The following ZNF154 variants were observed in gnomAD, a reference collection of about 807,000 sequenced individuals.
ZNF154 encodes the protein zinc finger protein 154.
Under a neutral mutation model 7.5 loss-of-function variants are expected in ZNF154, and 6 were observed. The observed-to-expected ratio is 0.80, with a 90% CI of 0.44 to 1.57. The LOEUF (loss-of-function observed/expected upper bound fraction) is 1.57, where lower values mean the gene tolerates loss of function less well. Among genes scored for constraint, ZNF154 ranks in the 40% most tolerant of loss-of-function variants. The pLI, the probability that ZNF154 is intolerant of heterozygous loss-of-function variation, is 0.01. For missense variants in ZNF154, 485 were observed against 531.4 expected, an observed-to-expected ratio of 0.91 and a Z score of 0.86; for synonymous variants, 187 against 185.9, an observed-to-expected ratio of 1.01 and a Z score of -0.05.
chr19:57,709,168 G>A lies in ZNF154; in HGVS notation c.-197C>T, dbSNP rs998162179. 5 of 668,164 alleles carry A rather than the reference G, an allele frequency of 7.5e-6. No homozygotes were observed. The highest frequency in any genetic ancestry group is 2.8e-5 in the East Asian group (1 of 36,306). 41.4% of individuals were successfully genotyped at this position (668,164 alleles called of 1,614,324 possible). ...CTCGGCGCTCTGCTATCTCTGATCC[G>A]GTGAACACACCTCAGAGAAGCTAAA... On this transcript the variant is annotated 5_prime_UTR_variant, in exon 1 of 3. Coordinates refer to ENST00000684351, the MANE Select transcript of ZNF154 (RefSeq NM_001085384.3).
At chr19:57,708,745 TGCAC>T (rs1985501446) in intron 1 of ZNF154, among the ~76,000 whole-genome samples, 190 bp downstream of exon 1, 1 of 152,118 alleles carries the variant, frequency 6.6e-6, no homozygotes, top group Admixed American at 6.5e-5. Context: ...CCTCAACCTT[TGCAC>T]GCGCCGGTTC....
At chr19:57,707,038 G>T (rs943882816) in intron 1 of ZNF154, among the ~76,000 whole-genome samples, 1 of 150,408 alleles carries the variant, frequency 6.6e-6, no homozygotes, top group Non-Finnish European at 1.5e-5. Flanking sequence ...GCTTGAAGCC[G>T]GGAGGCGGAG....
At chr19:57,703,721 T>C (rs947910857) in intron 2 of ZNF154, among the ~76,000 whole-genome samples, 2 of 151,090 alleles carry the variant, frequency 1.3e-5, no homozygotes, top group Non-Finnish European at 3.0e-5. Flanking sequence ...TGTTTAAGAG[T>C]ATGTGCAAGG....
chr19:57,704,776 A>C, intron 2 of ZNF154, 77 bp downstream of exon 2: 1 of 1,538,742 alleles, frequency 6.5e-7, no homozygotes, highest in East Asian at 2.3e-5. Flanking sequence ...TGTCATGAGA[A>C]GGACAGACCT....
Position 57,698,272 on chromosome 19 carries a change from A to G in ZNF154, c.*3363T>C, listed in dbSNP as rs1412724610. 6.6e-6 allele frequency: 1 copy of G among 152,258 alleles called. No individual in the cohort carries two copies. The highest frequency in any genetic ancestry group is 2.4e-5 in the African/African-American group (1 of 41,472). 9.4% of individuals were successfully genotyped at this position (152,258 alleles called of 1,614,324 possible). On this transcript the variant is annotated 3_prime_UTR_variant, in exon 3 of 3. Coordinates refer to ENST00000684351, the MANE Select transcript of ZNF154 (RefSeq NM_001085384.3). ...ATGTATTATAATGGAAAGTAAATCA[A>G]TAGTTGCCTATAGGCAGATAATTAT... is the stretch of plus-strand genomic sequence containing the variant.
rs1050368501 is a variant in ZNF154 at position 57,700,046 on chromosome 19, G to T, written c.*1589C>A. On this transcript the variant is annotated 3_prime_UTR_variant, in exon 3 of 3. Coordinates refer to ENST00000684351, the MANE Select transcript of ZNF154 (RefSeq NM_001085384.3). ...TTTTGCACCAACCTAACAAAATATG[G>T]TTCAAAATAAAAGTCTGAATTTCCT... 5.3e-5 allele frequency: 8 copies of T among 152,102 alleles called. No homozygotes were observed. The highest frequency in any genetic ancestry group is 1.2e-4 in the African/African-American group (5 of 41,404). 9.4% of individuals were successfully genotyped at this position (152,102 alleles called of 1,614,324 possible). A position where few individuals can be genotyped will look rare whatever the true frequency, so the allele number is the denominator to read the frequency against.
At chr19:57,706,587 C>T (rs1450230803) in intron 1 of ZNF154, among the ~76,000 whole-genome samples, 1 of 152,206 alleles carries the variant, frequency 6.6e-6, no homozygotes, top group Admixed American at 6.5e-5. Context: ...CAGCCATTTG[C>T]CTCAAATACA....
intron 1 of ZNF154, among the ~76,000 whole-genome samples, chr19:57,707,035 G>C (rs746518348): frequency 3.3e-5 from 5 of 151,004 alleles, no homozygotes; most frequent in Non-Finnish European, 7.4e-5. Flanking sequence ...ATTGCTTGAA[G>C]CCGGGAGGCG....
At chr19:57,706,666 T>G (rs545761662) in intron 1 of ZNF154, among the ~76,000 whole-genome samples, 32 of 152,270 alleles carry the variant, frequency 2.1e-4, no homozygotes, top group African/African-American at 7.5e-4. Context: ...CCAACTATCC[T>G]CTCCAAACAC....
At chr19:57,705,585 C>A (rs1028976321) in intron 1 of ZNF154, among the ~76,000 whole-genome samples, 1 of 152,010 alleles carries the variant, frequency 6.6e-6, no homozygotes, top group South Asian at 2.1e-4. Context: ...GAAACCCCAT[C>A]TCTACTAAAA....
In ZNF154 at chr19:57,704,839, TA is replaced by T; in HGVS notation, c.160+13del. 1 of 1,607,298 alleles carries T rather than the reference TA, an allele frequency of 6.2e-7. No homozygotes were observed. The highest frequency in any genetic ancestry group is 8.5e-7 in the Non-Finnish European group (1 of 1,177,830). On this transcript the variant is annotated intron_variant, in intron 2 of 2. Coordinates refer to ENST00000684351, the MANE Select transcript of ZNF154 (RefSeq NM_001085384.3). The stretch of plus-strand genomic sequence containing the variant: ...GACTAGCTCAGGGCACAGGAAAGGG[TA>T]AAAGAACCTTACCTAGAGAGGTTAA...
At chr19:57,708,071 C>T (rs1048841745) in intron 1 of ZNF154, among the ~76,000 whole-genome samples, 3 of 152,116 alleles carry the variant, frequency 2.0e-5, no homozygotes, top group Non-Finnish European at 4.4e-5. Context: ...GGAATGCATC[C>T]CTGGTGAGGC....
chr19:57,705,598 A>G (rs1466419401), intron 1 of ZNF154, among the ~76,000 whole-genome samples: 1 of 152,098 alleles, frequency 6.6e-6, no homozygotes. Flanking sequence ...TACTAAAAAT[A>G]CAAAAATTAG....
At chr19:57,705,769 A>AG (rs1985362514) in intron 1 of ZNF154, among the ~76,000 whole-genome samples, 1 of 108,396 alleles carries the variant, frequency 9.2e-6, no homozygotes, top group Admixed American at 8.7e-5. Context: ...AAAAAAAAAA[A>AG]GAAAGATGAT....
At chr19:57,705,121 C>T in intron 1 of ZNF154, 142 bp from the exon 2 acceptor site, 1 of 1,199,784 alleles carries the variant, frequency 8.3e-7, no homozygotes, top group Non-Finnish European at 1.1e-6. Context: ...GATAAATAGG[C>T]ATCTAAGCTG....
At position 57,701,525 on chromosome 19, in the gene ZNF154, G is replaced by A; in HGVS notation, c.*110C>T. On this transcript the variant is annotated 3_prime_UTR_variant, in exon 3 of 3. Transcript: ENST00000684351. ...GTGTCTTTCCCTTGTGAACTGTGTGGCACTCAATGAGATATGGCCTTCAGC... is the reference window on the plus strand; with the variant it reads ...GTGTCTTTCCCTTGTGAACTGTGTGACACTCAATGAGATATGGCCTTCAGC... 1.7e-6 allele frequency: 2 copies of A among 1,156,304 alleles called. No individual in the cohort carries two copies. Among genetic ancestry groups the A allele is most frequent in the Non-Finnish European group, 1.2e-6 (1 of 823,698 alleles). The allele number at this position is 1,156,304 out of a possible 1,614,324, so 71.6% of individuals were successfully genotyped here. A position where few individuals can be genotyped will look rare whatever the true frequency, so the allele number is the denominator to read the frequency against.
In ZNF154 at chr19:57,701,685, A is replaced by G. The variant is rs1458353154; in HGVS notation, c.1264T>C (p.Phe422Leu). 6.2e-7 allele frequency: 1 copy of G among 1,614,074 alleles called. No homozygotes were observed. Among genetic ancestry groups the G allele is most frequent in the Non-Finnish European group, 8.5e-7 (1 of 1,179,900 alleles). Residue 422 changes from phenylalanine to leucine, a missense_variant, in exon 3 of 3, where the codon TTT (phenylalanine) becomes CTT (leucine). Physicochemically the swap from Phe to Leu is conservative, Grantham distance 22 (BLOSUM62 0). Coordinates refer to ENST00000684351, the MANE Select transcript of ZNF154 (RefSeq NM_001085384.3). ...TTAATAAGGCTGGAGTTATGGCTAA[A>G]GGATTTCCCACATTCCGTGCACTCA... ...PYECTECGKS[F>L]SHNSSLIKHQ...
chr19:57,696,987 T>C lies in ZNF154; in HGVS notation c.*4648A>G, dbSNP rs956091895. ...CCTCTAGGTAAAGCCAGTAAGGTAATAGAGCATCACCTGTTAGGATGAACT... is the reference window on the plus strand; with the variant it reads ...CCTCTAGGTAAAGCCAGTAAGGTAACAGAGCATCACCTGTTAGGATGAACT... On this transcript the variant is annotated 3_prime_UTR_variant, in exon 3 of 3. Transcript: ENST00000684351. 3.9e-5 allele frequency among the ~76,000 whole-genome samples: 6 copies of C among 152,180 alleles called. No homozygotes were observed. The highest frequency in any genetic ancestry group is 5.9e-5 in the Non-Finnish European group (4 of 68,032).
In ZNF154 at chr19:57,702,409, C is replaced by T. The variant is rs777280887; in HGVS notation, c.540G>A (p.Trp180Ter). 1.9e-6 allele frequency: 3 copies of T among 1,614,034 alleles called. No individual in the cohort carries two copies. The highest frequency in any genetic ancestry group is 2.5e-6 in the Non-Finnish European group (3 of 1,179,914). ...FSKSYSLNDH[W>*]RLHTGEKPYE... ...AAGGCTTTTCTCCAGTGTGAAGTCTCCAATGGTCATTGAGACTGTAGCTTT... is the reference window on the plus strand; with the variant it reads ...AAGGCTTTTCTCCAGTGTGAAGTCTTCAATGGTCATTGAGACTGTAGCTTT... Residue 180 changes from tryptophan to a stop codon, truncating the protein, a stop_gained, in exon 3 of 3, where the codon TGG (tryptophan) becomes TGA (stop). Coordinates refer to ENST00000684351, the MANE Select transcript of ZNF154 (RefSeq NM_001085384.3). LOFTEE classifies it low-confidence loss of function (END_TRUNC).
Sources: gnomAD v4.1 joint callset for allele counts (sites outside exome capture counted in the v4.1 genomes callset) on GRCh38, gnomAD v4.1.1 for gene constraint, MANE v1.5 for transcripts, NCBI Gene and HGNC (gene_info 2026-07-23, HGNC 2026-07-21) for gene names.